Variants in KYNU observed in about 807,000 individuals in gnomAD.
KYNU encodes the protein L-kynurenine hydrolase.
Under a neutral mutation model 59.2 loss-of-function variants are expected in KYNU, and 54 were observed. That is an observed-to-expected ratio of 0.91 (90% CI 0.73 to 1.14). The LOEUF (loss-of-function observed/expected upper bound fraction) is 1.14. KYNU is among the 50% of genes most tolerant of loss of function. The probability of loss-of-function intolerance (pLI) is 0.00; values close to 1 mark genes in which losing one functional copy is unlikely to be tolerated. For synonymous variants in KYNU, 177 were observed against 192.0 expected (o/e 0.92, Z 0.65); for missense variants, 567 against 554.4 (o/e 1.02, Z -0.23).
At chr2:142,967,549 T>G (rs1310178459) in intron 8 of KYNU, 2 of 152,098 alleles carry the variant, frequency 1.3e-5, no homozygotes, top group Non-Finnish European at 2.9e-5. Context: ...CAGAATAATT[T>G]AAGGCAAAAA....
In KYNU at chr2:143,045,404, T is replaced by C. The variant is rs1687150201; in HGVS notation, c.*3232T>C. 6.6e-6 allele frequency: 1 copy of C among 152,172 alleles called. No homozygotes were observed. Among genetic ancestry groups the C allele is most frequent in the South Asian group, 2.1e-4 (1 of 4,828 alleles). The allele number at this position is 152,172 out of a possible 1,614,324, so 9.4% of individuals were successfully genotyped here. On this transcript the variant is annotated 3_prime_UTR_variant, in exon 14 of 14. Transcript: ENST00000264170. ...GTAGCTTGATGGAAATAGCATTGAATCTATAAATTACTCTCAGCAATATGG... is the reference window on the plus strand; with the variant it reads ...GTAGCTTGATGGAAATAGCATTGAACCTATAAATTACTCTCAGCAATATGG...
chr2:142,909,468 T>C (rs1241714715), intron 2 of KYNU, among the ~76,000 whole-genome samples: 12 of 152,190 alleles, frequency 7.9e-5, no homozygotes, highest in Admixed American at 4.6e-4. Flanking sequence ...GTAGTGAACA[T>C]TGTACCCAAT....
intron 3 of KYNU, among the ~76,000 whole-genome samples, chr2:142,925,360 A>C (rs1455964210): frequency 6.6e-6 from 1 of 152,212 alleles, no homozygotes; most frequent in African/African-American, 2.4e-5. Context: ...ATTCTCAAAG[A>C]AAGTCCTCTT....
intron 8 of KYNU, among the ~76,000 whole-genome samples, chr2:142,972,627 G>A (rs759273345): frequency 2.0e-5 from 3 of 152,070 alleles, no homozygotes; most frequent in Non-Finnish European, 4.4e-5. Flanking sequence ...GAATCTGAGA[G>A]AGTTTAAGCA....
At chr2:142,958,680 A>T (rs1031143235) in intron 7 of KYNU, among the ~76,000 whole-genome samples, 3 of 152,216 alleles carry the variant, frequency 2.0e-5, no homozygotes, top group Non-Finnish European at 4.4e-5. Context: ...TAATAATCAC[A>T]TAAGTGACCA....
Position 143,047,595 on chromosome 2 carries a change from C to T in KYNU, c.*5423C>T, listed in dbSNP as rs56099642. On this transcript the variant is annotated 3_prime_UTR_variant, in exon 14 of 14. Coordinates refer to ENST00000264170, the MANE Select transcript of KYNU (RefSeq NM_003937.3). ...TCTCACAGGGTGTCACTCTGTTGCC[C>T]AGGCGGAGTGCAGTGGCACATGATC... 23,066 of 151,406 alleles carry T rather than the reference C, an allele frequency of 0.15. 1,856 individuals are homozygous for T. The highest frequency in any genetic ancestry group is 0.27 in the East Asian group (1,370 of 5,120). The allele number at this position is 151,406 out of a possible 1,614,324, so 9.4% of individuals were successfully genotyped here.
At chr2:142,933,617 G>A (rs927602235) in intron 4 of KYNU, among the ~76,000 whole-genome samples, 16 of 152,180 alleles carry the variant, frequency 1.1e-4, no homozygotes, top group Admixed American at 1.0e-3. Context: ...CTAAGGGGGT[G>A]CATAATTGTG....
intron 4 of KYNU, among the ~76,000 whole-genome samples, chr2:142,930,460 G>A: frequency 6.6e-6 from 1 of 152,158 alleles, no homozygotes; most frequent in Non-Finnish European, 1.5e-5. Context: ...CACAGACTGG[G>A]TGGCTTAAAC....
At chr2:142,908,127 T>C (rs1325542653) in intron 2 of KYNU, among the ~76,000 whole-genome samples, 2 of 152,202 alleles carry the variant, frequency 1.3e-5, no homozygotes, top group Non-Finnish European at 2.9e-5. Context: ...ATGCTGAGAT[T>C]TTTATTCTTT....
chr2:142,995,841 CT>C (rs1228546166), intron 10 of KYNU, among the ~76,000 whole-genome samples: 4 of 152,080 alleles, frequency 2.6e-5, no homozygotes, highest in Non-Finnish European at 5.9e-5. Flanking sequence ...TGCTCCTTCT[CT>C]CATTGTTTTT....
chr2:142,987,801 C>T (rs1380052123), intron 10 of KYNU, among the ~76,000 whole-genome samples: 1 of 151,906 alleles, frequency 6.6e-6, no homozygotes, highest in South Asian at 2.1e-4. Flanking sequence ...AGTGTTGGAG[C>T]AGGGGCCTGG....
At chr2:142,894,885 T>C (rs1381651417) in intron 2 of KYNU, among the ~76,000 whole-genome samples, 1 of 152,190 alleles carries the variant, frequency 6.6e-6, no homozygotes, top group Non-Finnish European at 1.5e-5. Flanking sequence ...GGCAGGAGGA[T>C]GGCTTGAGTC....
chr2:143,027,167 G>T (rs77928791), intron 10 of KYNU, among the ~76,000 whole-genome samples: 307 of 152,216 alleles, frequency 2.0e-3, no homozygotes, highest in Non-Finnish European at 2.5e-3. Context: ...ACAAATCTTG[G>T]TGTACTTCAA....
rs1439810664 is a variant in KYNU, at chr2:143,007,427, C to T, written c.902+21406C>T. On this transcript the variant is annotated intron_variant, in intron 10 of 13. Coordinates refer to ENST00000264170, the MANE Select transcript of KYNU (RefSeq NM_003937.3). ...CTATGTGAAAAGACCAAATCTACGTCTGATTGGTGTACCTGAAAGTGATGG... is the reference window on the plus strand; with the variant it reads ...CTATGTGAAAAGACCAAATCTACGTTTGATTGGTGTACCTGAAAGTGATGG... Among the ~76,000 whole-genome samples, 168 of 140,528 alleles carry T rather than the reference C, an allele frequency of 1.2e-3. 1 individual carries two copies. The highest frequency in any genetic ancestry group is 3.6e-3 in the African/African-American group (130 of 36,148). 92.2% of individuals were successfully genotyped at this position (140,528 alleles called of 152,430 possible).
At chr2:142,986,396 G>A (rs566432827) in intron 10 of KYNU, among the ~76,000 whole-genome samples, 1 of 151,796 alleles carries the variant, frequency 6.6e-6, no homozygotes. Flanking sequence ...GTGCCTAATA[G>A]AGCCTTAAAT....
At chr2:142,991,099 C>T (rs1238554494) in intron 10 of KYNU, among the ~76,000 whole-genome samples, 1 of 151,800 alleles carries the variant, frequency 6.6e-6, no homozygotes. Flanking sequence ...AACTTTATAC[C>T]ATGCTTGTCC....
Position 142,949,751 on chromosome 2 carries a change from C to T in KYNU, c.374-5059C>T, listed in dbSNP as rs544008185. Among the ~76,000 whole-genome samples the T allele has an allele frequency of 2.8e-4, 43 of 152,284 alleles. 1 individual carries two copies. The South Asian group carries it at 8.7e-3, about 31-fold the overall frequency. On this transcript the variant is annotated intron_variant, in intron 4 of 13. Transcript: ENST00000264170. ...TCTGACATGCCCTGGAGACATTTTC[C>T]CCATTGTCTTGGGGATTAACATTCT...
In KYNU at chr2:142,938,588, GTT is replaced by G. The variant is rs1355020199; in HGVS notation, c.373+10848_373+10849del. Among the ~76,000 whole-genome samples the G allele has an allele frequency of 3.9e-5, 6 of 152,260 alleles. No homozygotes were observed. In the East Asian group the frequency reaches 1.2e-3, roughly 29 times the overall value. On this transcript the variant is annotated intron_variant, in intron 4 of 13. Transcript: ENST00000264170. Reference sequence around the variant, plus strand: ...ACAGTTTGTTTACATCTCCATTTAGGTTATAGTTCACTATGCACAGAGAAACC... The same window carrying G: ...ACAGTTTGTTTACATCTCCATTTAGGATAGTTCACTATGCACAGAGAAACC...
chr2:142,952,673 A>G (rs1230361567), intron 4 of KYNU, among the ~76,000 whole-genome samples: 1 of 152,184 alleles, frequency 6.6e-6, no homozygotes, highest in Non-Finnish European at 1.5e-5. Context: ...ACTTGGGTTC[A>G]AGCATTCCTC....
Sources: allele counts gnomAD v4.1 joint callset (sites outside exome capture counted in the v4.1 genomes callset), GRCh38; gene constraint gnomAD v4.1.1; transcripts MANE v1.5; gene names NCBI Gene and HGNC (gene_info 2026-07-23, HGNC 2026-07-21).